LGR5: variants seen among roughly 807,000 people sequenced by gnomAD.
The protein encoded by LGR5 is leucine-rich repeat-containing G protein-coupled receptor 5.
A neutral mutation model predicts 76.7 loss-of-function variants in LGR5; 54 were observed. The ratio of observed to expected loss-of-function variants is 0.70; its 90% CI spans 0.57 to 0.88. The LOEUF (loss-of-function observed/expected upper bound fraction) is 0.88. LGR5 is among the 40% of genes least tolerant of loss of function. The pLI, the probability that LGR5 is intolerant of heterozygous loss-of-function variation, is 0.00. For missense variants in LGR5, 1,078 were observed against 1,073.3 expected (o/e 1.00, Z -0.06); for synonymous variants, 406 against 421.9 (o/e 0.96, Z 0.46).
At position 71,475,315 on chromosome 12, in the gene LGR5, C is replaced by T. The variant is rs769239770; in HGVS notation, c.213-29299C>T. 1.9e-4 allele frequency among the ~76,000 whole-genome samples: 29 copies of T among 152,264 alleles called. 1 individual carries two copies. The highest frequency in any genetic ancestry group is 1.9e-4 in the African/African-American group (8 of 41,552). ...AAATTAAAACACTGTTCCCTTTATA[C>T]GTCTTTAATTTAAAACAAAAGAAAA... On this transcript the variant is annotated intron_variant, in intron 1 of 17. Transcript: ENST00000266674.
intron 3 of LGR5, among the ~76,000 whole-genome samples, chr12:71,529,972 AAGT>A (rs1876219698): frequency 6.6e-6 from 1 of 151,886 alleles, no homozygotes; most frequent in Non-Finnish European, 1.5e-5. Context: ...AAAAAAAAAA[AAGT>A]AGAAGCAAAC....
chr12:71,547,743 A>G (rs1266237076), intron 4 of LGR5, among the ~76,000 whole-genome samples: 1 of 150,928 alleles, frequency 6.6e-6, no homozygotes, highest in Non-Finnish European at 1.5e-5. Context: ...ACCACATGGT[A>G]ATAGGTGCAT....
intron 1 of LGR5, among the ~76,000 whole-genome samples, chr12:71,443,808 T>C (rs971714101): frequency 6.6e-6 from 1 of 152,188 alleles, no homozygotes; most frequent in Non-Finnish European, 1.5e-5. Flanking sequence ...ACAGCTATTT[T>C]ATTTTAAAAA....
intron 4 of LGR5, among the ~76,000 whole-genome samples, chr12:71,538,897 T>G (rs939081370): frequency 6.6e-6 from 1 of 152,072 alleles, no homozygotes; most frequent in Non-Finnish European, 1.5e-5. Context: ...AATAACAAAA[T>G]CCATACTTTG....
chr12:71,550,219 C>T (rs773124071), intron 4 of LGR5, among the ~76,000 whole-genome samples: 1 of 151,756 alleles, frequency 6.6e-6, no homozygotes, highest in African/African-American at 2.4e-5. Context: ...GGCAAGATCT[C>T]GGCTCACTGC....
In LGR5 at chr12:71,443,225, T is replaced by A. The variant is rs575512798; in HGVS notation, c.212+2933T>A. ...AGAGCTGGCTAGTCAGACTTGTAGG[T>A]AAAGAAAGTTTCCTACATCTCTTCA... On this transcript the variant is annotated intron_variant, in intron 1 of 17. Coordinates refer to ENST00000266674, the MANE Select transcript of LGR5 (RefSeq NM_003667.4). 7.4e-4 allele frequency among the ~76,000 whole-genome samples: 113 copies of A among 152,330 alleles called. 1 individual carries two copies. Among genetic ancestry groups the A allele is most frequent in the Non-Finnish European group, 1.4e-3 (95 of 68,024 alleles).
At position 71,561,853 on chromosome 12, in the gene LGR5, G is replaced by A; in HGVS notation, c.857+1G>A. 6.4e-7 allele frequency: 1 copy of A among 1,568,460 alleles called. No homozygotes were observed. The highest frequency in any genetic ancestry group is 8.8e-7 in the Non-Finnish European group (1 of 1,141,482). On this transcript the variant is annotated splice_donor_variant, in intron 8 of 17. Coordinates refer to ENST00000266674, the MANE Select transcript of LGR5 (RefSeq NM_003667.4). LOFTEE classifies it high-confidence loss of function. ...TAGGCAACCCTTCTCTTATTACAAT[G>A]TAAGTGACCATAATGCTTTTCGGTT...
rs34971565 is a variant in LGR5, at chr12:71,490,129, CAA to C, written c.213-14471_213-14470del. Among the ~76,000 whole-genome samples the C allele has an allele frequency of 2.9e-3, 405 of 140,852 alleles. 2 individuals are homozygous for C. Among genetic ancestry groups the C allele is most frequent in the African/African-American group, 7.2e-3 (274 of 38,268 alleles). 92.4% of individuals were successfully genotyped at this position (140,852 alleles called of 152,430 possible). On this transcript the variant is annotated intron_variant, in intron 1 of 17. Transcript: ENST00000266674. ...TGGGCAACAGATTGAGACCCAGCCT[CAA>C]AAAAAAAAAAAAACCCATAAAAATC...
chr12:71,580,303 C>A lies in LGR5; in HGVS notation c.1432C>A (p.Gln478Lys), dbSNP rs780360620. Residue 478 changes from glutamine (Q) to lysine (K), a missense_variant, in exon 16 of 18, where the codon CAG becomes AAG. Coordinates refer to ENST00000266674, the MANE Select transcript of LGR5 (RefSeq NM_003667.4). Reference sequence around the variant, plus strand: ...GGTTATAGAAATGCCTTATGCTTACCAGTGCTGTGCATTTGGAGTGTGTGA... The same window carrying A: ...GGTTATAGAAATGCCTTATGCTTACAAGTGCTGTGCATTTGGAGTGTGTGA... ...LKVIEMPYAY[Q>K]CCAFGVCENA... 6.2e-7 allele frequency: 1 copy of A among 1,612,882 alleles called. No homozygotes were observed. The highest frequency in any genetic ancestry group is 1.1e-5 in the South Asian group (1 of 90,946).
chr12:71,577,210 C>A (rs1232054016), intron 13 of LGR5, among the ~76,000 whole-genome samples: 2 of 152,176 alleles, frequency 1.3e-5, no homozygotes, highest in African/African-American at 4.8e-5. Context: ...ATCTTAAATT[C>A]ATCCTTCCTT....
intron 3 of LGR5, among the ~76,000 whole-genome samples, chr12:71,532,934 G>A (rs1385777565): frequency 2.0e-5 from 3 of 152,068 alleles, no homozygotes; most frequent in Non-Finnish European, 4.4e-5. Context: ...ACTCACACCT[G>A]TAGACCAGGC....
At chr12:71,491,027 G>A (rs1169051651) in intron 1 of LGR5, among the ~76,000 whole-genome samples, 1 of 152,146 alleles carries the variant, frequency 6.6e-6, no homozygotes, top group East Asian at 1.9e-4. Flanking sequence ...TCTCCTGATA[G>A]CGAATAAGAG....
At chr12:71,524,779 G>A (rs1365196230) in intron 3 of LGR5, among the ~76,000 whole-genome samples, 6 of 152,066 alleles carry the variant, frequency 3.9e-5, no homozygotes, top group African/African-American at 4.8e-5. Flanking sequence ...ATGAAATTGG[G>A]GTGCGTGTCT....
At chr12:71,502,386 T>TG (rs1476567006) in intron 1 of LGR5, among the ~76,000 whole-genome samples, 2 of 151,776 alleles carry the variant, frequency 1.3e-5, no homozygotes, top group East Asian at 1.9e-4. Context: ...TTAGTAGAGA[T>TG]GGGGTCTCAC....
chr12:71,534,603 T>G (rs1300391047), intron 3 of LGR5, among the ~76,000 whole-genome samples: 1 of 152,196 alleles, frequency 6.6e-6, no homozygotes, highest in Non-Finnish European at 1.5e-5. Context: ...GGCAAAGCCC[T>G]CCATGAGATG....
intron 1 of LGR5, among the ~76,000 whole-genome samples, chr12:71,480,988 C>T (rs1289613672): frequency 6.6e-6 from 1 of 152,186 alleles, no homozygotes; most frequent in African/African-American, 2.4e-5. Flanking sequence ...AGCTAGATAA[C>T]AACATTTAGG....
intron 16 of LGR5, among the ~76,000 whole-genome samples, chr12:71,581,324 G>A (rs1325558527): frequency 2.6e-5 from 4 of 152,178 alleles, no homozygotes; most frequent in African/African-American, 4.8e-5. Flanking sequence ...GAATTAAGAC[G>A]TTACCTAAAC....
At chr12:71,549,009 C>T (rs912543761) in intron 4 of LGR5, among the ~76,000 whole-genome samples, 5 of 152,052 alleles carry the variant, frequency 3.3e-5, no homozygotes, top group Admixed American at 2.6e-4. Flanking sequence ...ATCTTATACC[C>T]GACTGTTAAA....
intron 12 of LGR5, 107 bp downstream of exon 12, chr12:71,571,686 A>C: frequency 1.3e-6 from 1 of 758,066 alleles, no homozygotes; most frequent in East Asian, 2.6e-5. Flanking sequence ...GAGACATGTG[A>C]TCCTTTTCCT....
Sources: gnomAD v4.1 joint callset for allele counts (sites outside exome capture counted in the v4.1 genomes callset) on GRCh38, gnomAD v4.1.1 for gene constraint, MANE v1.5 for transcripts, NCBI Gene and HGNC (gene_info 2026-07-23, HGNC 2026-07-21) for gene names.